The following ZSCAN25 variants were observed in gnomAD, a reference collection of about 807,000 sequenced individuals.
ZSCAN25 encodes zinc finger and SCAN domain-containing protein 25.
Under a neutral mutation model 38.7 loss-of-function variants are expected in ZSCAN25, and 27 were observed. The observed-to-expected ratio is 0.70, with a 90% CI of 0.51 to 0.96. The LOEUF is 0.96. Among genes scored for constraint, ZSCAN25 ranks in the 40% least tolerant of loss-of-function variants. The pLI, the probability that ZSCAN25 is intolerant of heterozygous loss-of-function variation, is 0.00. For synonymous variants in ZSCAN25, 273 were observed against 277.7 expected (o/e 0.98, Z 0.17); for missense variants, 637 against 705.9 (o/e 0.90, Z 1.11).
chr7:99,634,497 T>C (rs1808188569), downstream of ZSCAN25, among the ~76,000 whole-genome samples: 1 of 145,480 alleles, frequency 6.9e-6, no homozygotes. Context: ...TTATTAAAAA[T>C]GCAAAAATTT....
chr7:99,710,826 C>A, the ZSCAN25 span: 1 of 1,613,858 alleles, frequency 6.2e-7, no homozygotes, highest in African/African-American at 1.3e-5. Context: ...GAGAACACTG[C>A]TCGTGGTTTC....
At chr7:99,736,695 C>T in the ZSCAN25 span, among the ~76,000 whole-genome samples, 1 of 152,156 alleles carries the variant, frequency 6.6e-6, no homozygotes, top group East Asian at 1.9e-4. Flanking sequence ...TTCTCAGGTT[C>T]AGCACTCCTG....
At chr7:99,660,833 C>T in the ZSCAN25 span, among the ~76,000 whole-genome samples, 19 of 152,120 alleles carry the variant, frequency 1.2e-4, no homozygotes, top group South Asian at 4.1e-4. Flanking sequence ...GCCAGGATGA[C>T]GCAAAATCAT....
the ZSCAN25 span, chr7:99,717,400 G>A: frequency 6.3e-7 from 1 of 1,584,264 alleles, no homozygotes; most frequent in African/African-American, 1.3e-5. Flanking sequence ...TACATAAAAA[G>A]ACTATTTTTA....
chr7:99,668,453 A>G, the ZSCAN25 span, among the ~76,000 whole-genome samples: 3 of 152,214 alleles, frequency 2.0e-5, 1 homozygote, highest in South Asian at 6.2e-4. Flanking sequence ...CAAATGTGGA[A>G]ACTTTCTTAA....
chr7:99,622,739 C>T (rs1461658398), intron 6 of ZSCAN25, 99 bp downstream of exon 6: 2 of 1,103,342 alleles, frequency 1.8e-6, no homozygotes, highest in East Asian at 2.5e-5. Context: ...CTTCCCGCCC[C>T]AAGTTGAGTC....
the ZSCAN25 span, chr7:99,662,803 A>G: frequency 1.2e-6 from 2 of 1,612,308 alleles, no homozygotes; most frequent in Non-Finnish European, 1.7e-6. This position sits in a 1 kb window ranked among gnomAD's most constrained non-coding sequence, Gnocchi z 4.3. Context: ...CCTCAGAAGC[A>G]CTCCTTGGTT....
the ZSCAN25 span, chr7:99,707,958 T>G: frequency 6.2e-7 from 1 of 1,613,916 alleles, no homozygotes; most frequent in Non-Finnish European, 8.5e-7. Context: ...ATGTTGTCCT[T>G]GTTCTTTTTA....
At chr7:99,696,796 C>G in the ZSCAN25 span, among the ~76,000 whole-genome samples, 2 of 152,108 alleles carry the variant, frequency 1.3e-5, no homozygotes, top group Non-Finnish European at 2.9e-5. Flanking sequence ...TGATGGAAGG[C>G]GATTGTATCT....
At chr7:99,717,585 C>A in the ZSCAN25 span, 1 of 1,613,724 alleles carries the variant, frequency 6.2e-7, no homozygotes, top group Non-Finnish European at 8.5e-7. Flanking sequence ...CTCTTCCATT[C>A]TTCATCCTCA....
At chr7:99,687,251 T>C in the ZSCAN25 span, among the ~76,000 whole-genome samples, 5 of 152,014 alleles carry the variant, frequency 3.3e-5, no homozygotes, top group Non-Finnish European at 7.4e-5. Context: ...TTCAAACCAA[T>C]GGCAAAGAAG....
the ZSCAN25 span, chr7:99,647,583 A>G: frequency 1.0e-6 from 1 of 985,198 alleles, no homozygotes; most frequent in Non-Finnish European, 1.2e-6. Context: ...ATAATAAATC[A>G]TAACTAATAA....
At chr7:99,658,075 G>A in the ZSCAN25 span, among the ~76,000 whole-genome samples, 62 of 152,144 alleles carry the variant, frequency 4.1e-4, no homozygotes, top group Admixed American at 2.9e-3. Context: ...CATTTAGCCC[G>A]TTTACATTTA....
At chr7:99,690,544 T>C in the ZSCAN25 span, among the ~76,000 whole-genome samples, 1 of 151,998 alleles carries the variant, frequency 6.6e-6, no homozygotes. Context: ...TGCAACCTAC[T>C]CATCTGACAA....
intron 7 of ZSCAN25, chr7:99,624,431 A>AGATCT: frequency 9.7e-6 from 5 of 515,156 alleles, no homozygotes; most frequent in Admixed American, 6.3e-5. Context: ...AGGACCCCCA[A>AGATCT]ACACCTACAT....
At chr7:99,703,005 T>A in the ZSCAN25 span, among the ~76,000 whole-genome samples, 1 of 152,210 alleles carries the variant, frequency 6.6e-6, no homozygotes, top group East Asian at 1.9e-4. Flanking sequence ...TATTTGTGGC[T>A]ATTGTAAATG....
chr7:99,685,216 A>G, the ZSCAN25 span: 1 of 1,613,672 alleles, frequency 6.2e-7, no homozygotes, highest in Non-Finnish European at 8.5e-7. Context: ...AAGTCCTCCT[A>G]AGCGTAATTT....
chr7:99,734,605 CT>C, the ZSCAN25 span, among the ~76,000 whole-genome samples: 2 of 149,986 alleles, frequency 1.3e-5, no homozygotes, highest in African/African-American at 2.5e-5. Flanking sequence ...CCTTGAAAAT[CT>C]TTTTTTTTCT....
chr7:99,716,054 C>T, the ZSCAN25 span: 2 of 1,495,546 alleles, frequency 1.3e-6, no homozygotes, highest in Non-Finnish European at 1.8e-6. Flanking sequence ...TCCCATCACA[C>T]TCCCTCAGAA....
Sources: gnomAD v4.1 joint callset for allele counts (sites outside exome capture counted in the v4.1 genomes callset) on GRCh38, gnomAD v4.1.1 for gene constraint, Gnocchi (gnomAD v3.1) non-coding constraint, MANE v1.5 for transcripts, NCBI Gene and HGNC (gene_info 2026-07-23, HGNC 2026-07-21) for gene names.